The following ARHGAP25 variants were observed in gnomAD, a reference collection of about 807,000 sequenced individuals.
ARHGAP25 encodes Rho GTPase activating protein 25.
ARHGAP25 carries 34 observed loss-of-function variants against 71.0 expected under a neutral mutation model. The observed-to-expected ratio is 0.48, with a 90% CI of 0.36 to 0.64. The LOEUF (loss-of-function observed/expected upper bound fraction) is 0.64. Among genes scored for constraint, ARHGAP25 ranks in the 30% least tolerant of loss-of-function variants. The pLI is 0.00. For synonymous variants in ARHGAP25, 282 were observed against 296.5 expected, an observed-to-expected ratio of 0.95 and a Z score of 0.50; for missense variants, 706 against 805.1, an observed-to-expected ratio of 0.88 and a Z score of 1.49.
At chr2:68,716,681 C>T (rs933101332) in intron 2 of ARHGAP25, among the ~76,000 whole-genome samples, 2 of 152,184 alleles carry the variant, frequency 1.3e-5, no homozygotes, top group Non-Finnish European at 2.9e-5. Flanking sequence ...TTTATTCAAA[C>T]CTTCAACCAC....
At chr2:68,762,853 A>C (rs1390207386) in intron 1 of ARHGAP25, among the ~76,000 whole-genome samples, 1 of 152,170 alleles carries the variant, frequency 6.6e-6, no homozygotes, top group Non-Finnish European at 1.5e-5. Context: ...AGATACATAC[A>C]AAATAAGTCC....
chr2:68,749,502 C>T (rs1676033824), intron 1 of ARHGAP25, among the ~76,000 whole-genome samples: 1 of 152,160 alleles, frequency 6.6e-6, no homozygotes, highest in African/African-American at 2.4e-5. Context: ...AACCATTTCC[C>T]GTCTTGCAGT....
chr2:68,769,271 A>G (rs1452419256), intron 1 of ARHGAP25, among the ~76,000 whole-genome samples: 1 of 152,136 alleles, frequency 6.6e-6, no homozygotes, highest in African/African-American at 2.4e-5. Context: ...AGTCCATACT[A>G]TAATAATAAT....
At chr2:68,750,158 C>T (rs774315166) in intron 1 of ARHGAP25, among the ~76,000 whole-genome samples, 1 of 144,008 alleles carries the variant, frequency 6.9e-6, no homozygotes, top group African/African-American at 2.6e-5. Flanking sequence ...AGGCGTGCAC[C>T]GCCATGCCCG....
intron 2 of ARHGAP25, among the ~76,000 whole-genome samples, chr2:68,779,927 A>G (rs893364292): frequency 1.3e-5 from 2 of 152,242 alleles, no homozygotes; most frequent in African/African-American, 4.8e-5. Context: ...TTAGTCATTT[A>G]CACCTTGGTG....
intron 1 of ARHGAP25, among the ~76,000 whole-genome samples, chr2:68,736,483 G>C (rs1014679688): frequency 2.0e-5 from 3 of 152,180 alleles, no homozygotes; most frequent in Non-Finnish European, 2.9e-5. Flanking sequence ...TCCTTTGAAA[G>C]TGTCCTGCTT....
chr2:68,766,993 A>C (rs1677165948), intron 1 of ARHGAP25, among the ~76,000 whole-genome samples: 1 of 152,242 alleles, frequency 6.6e-6, no homozygotes, highest in Non-Finnish European at 1.5e-5. Context: ...TAGAATCCAT[A>C]GAACATGGGA....
At chr2:68,720,230 T>C (rs1193789556) in intron 2 of ARHGAP25, among the ~76,000 whole-genome samples, 4 of 151,034 alleles carry the variant, frequency 2.6e-5, no homozygotes, top group Non-Finnish European at 5.9e-5. Flanking sequence ...ATGGGCTTCC[T>C]TGATAAACTG....
intron 2 of ARHGAP25, among the ~76,000 whole-genome samples, chr2:68,780,632 T>C (rs1475997205): frequency 6.6e-6 from 1 of 152,080 alleles, no homozygotes; most frequent in Non-Finnish European, 1.5e-5. Flanking sequence ...TCTTTCATCC[T>C]CATTCTCCTC....
rs377580349 is a variant in ARHGAP25 at position 68,826,137 on chromosome 2, G to A, written c.1884G>A (p.Leu628=). The part of the protein sequence containing the change: ...REDVEKRNKA[L]EEEVKEFVKS... ...ATGTTGAGAAGAGGAACAAGGCCTT[G>A]GAAGAAGAAGTCAAGGAATTTGTCA... is the stretch of plus-strand genomic sequence containing the variant. The change falls in exon 11 of 11, where the codon TTG becomes TTA. Residue 628 remains leucine (L), a synonymous_variant. Transcript: ENST00000409202. The A allele has an allele frequency of 3.6e-5, 58 of 1,614,004 alleles. No individual in the cohort carries two copies. Among genetic ancestry groups the A allele is most frequent in the Non-Finnish European group, 4.8e-5 (57 of 1,180,010 alleles).
chr2:68,748,410 CT>C (rs752660864), intron 1 of ARHGAP25, among the ~76,000 whole-genome samples: 4 of 152,164 alleles, frequency 2.6e-5, no homozygotes, highest in Non-Finnish European at 4.4e-5. Flanking sequence ...TTTCTTTATA[CT>C]GTTATTTGTG....
At chr2:68,784,431 C>T (rs899590432) in intron 3 of ARHGAP25, among the ~76,000 whole-genome samples, 8 of 152,234 alleles carry the variant, frequency 5.3e-5, no homozygotes, top group African/African-American at 1.9e-4. Context: ...ATAGGATCCT[C>T]TCTCTGTGAT....
intron 1 of ARHGAP25, among the ~76,000 whole-genome samples, chr2:68,771,149 C>G (rs1048101924): frequency 6.6e-6 from 1 of 152,170 alleles, no homozygotes; most frequent in African/African-American, 2.4e-5. Flanking sequence ...CTAGACAATG[C>G]AGTGCTAGGG....
At chr2:68,810,812 G>A (rs1680753914) in intron 5 of ARHGAP25, among the ~76,000 whole-genome samples, 1 of 149,260 alleles carries the variant, frequency 6.7e-6, no homozygotes, top group Non-Finnish European at 1.5e-5. Flanking sequence ...TGTGATCTTG[G>A]CTCACTGCAA....
chr2:68,747,130 G>A (rs75867742), intron 1 of ARHGAP25, among the ~76,000 whole-genome samples: 4 of 151,350 alleles, frequency 2.6e-5, no homozygotes, highest in South Asian at 2.1e-4. Flanking sequence ...ATCTGTCCTC[G>A]TCTTACTCAA....
rs758067290 is a variant in ARHGAP25 at position 68,735,192 on chromosome 2, G to A, written c.-8G>A. On this transcript the variant is annotated 5_prime_UTR_variant, in exon 1 of 11. Transcript: ENST00000409202. Reference sequence around the variant, plus strand: ...CTTCACTAACTACTCACTTAAACTGGAAGCAAAATGTCCCTAAAATTGCCA... The same window carrying A: ...CTTCACTAACTACTCACTTAAACTGAAAGCAAAATGTCCCTAAAATTGCCA... 4.5e-5 allele frequency: 73 copies of A among 1,613,510 alleles called. No individual in the cohort carries two copies. The South Asian group carries it at 7.9e-4, about 17-fold the overall frequency.
intron 1 of ARHGAP25, among the ~76,000 whole-genome samples, chr2:68,761,153 C>G: frequency 6.6e-6 from 1 of 152,010 alleles, no homozygotes; most frequent in Middle Eastern, 3.4e-3. Context: ...ATTGTCTTTT[C>G]AAAAATGATG....
At chr2:68,720,022 C>A (rs1043437071) in intron 2 of ARHGAP25, among the ~76,000 whole-genome samples, 7 of 152,150 alleles carry the variant, frequency 4.6e-5, no homozygotes, top group Non-Finnish European at 1.0e-4. Flanking sequence ...GAAAAGGAAT[C>A]TTTAATGTTA....
At chr2:68,775,686 A>T (rs752680490) in intron 2 of ARHGAP25, 1 of 616,410 alleles carries the variant, frequency 1.6e-6, no homozygotes, top group Non-Finnish European at 3.0e-6. Context: ...CAGGGCGGTG[A>T]TGGTAGTGAC....
Sources: gnomAD v4.1 joint callset for allele counts (sites outside exome capture counted in the v4.1 genomes callset) on GRCh38, gnomAD v4.1.1 for gene constraint, MANE v1.5 for transcripts, NCBI Gene and HGNC (gene_info 2026-07-23, HGNC 2026-07-21) for gene names.